The following GPC5 variants were observed in gnomAD, a reference collection of about 807,000 sequenced individuals.
GPC5 encodes the protein glypican-5.
GPC5 carries 47 observed loss-of-function variants against 53.9 expected under a neutral mutation model. That is an observed-to-expected ratio of 0.87 (90% CI 0.69 to 1.11). The LOEUF (loss-of-function observed/expected upper bound fraction) is 1.11, where lower values mean the gene tolerates loss of function less well. GPC5 is among the 50% of genes most tolerant of loss of function. GPC5 has a pLI of 0.00. For missense variants in GPC5, 748 were observed against 713.1 expected, an observed-to-expected ratio of 1.05 and a Z score of -0.56; for synonymous variants, 286 against 263.3, an observed-to-expected ratio of 1.09 and a Z score of -0.84.
At chr13:91,745,182 T>G (rs1395286966) in intron 4 of GPC5, among the ~76,000 whole-genome samples, 2 of 152,140 alleles carry the variant, frequency 1.3e-5, no homozygotes, top group Admixed American at 6.6e-5. Context: ...TTAGAACTAA[T>G]TTTGAAAACC....
chr13:92,123,275 G>A (rs1396792444), intron 6 of GPC5, among the ~76,000 whole-genome samples: 1 of 151,888 alleles, frequency 6.6e-6, no homozygotes, highest in Non-Finnish European at 1.5e-5. Context: ...TTTTGGTGGC[G>A]GGCACGTGTA....
chr13:92,801,409 C>A (rs1876902804), intron 7 of GPC5, among the ~76,000 whole-genome samples: 1 of 151,728 alleles, frequency 6.6e-6, no homozygotes, highest in Admixed American at 6.6e-5. Flanking sequence ...TAAACAAGCC[C>A]ACCCTACTGC....
chr13:92,480,686 C>A (rs1196996429), intron 7 of GPC5, among the ~76,000 whole-genome samples: 1 of 152,158 alleles, frequency 6.6e-6, no homozygotes, highest in Non-Finnish European at 1.5e-5. Flanking sequence ...TAGGAAAAGC[C>A]CCTCCCCAGA....
intron 7 of GPC5, among the ~76,000 whole-genome samples, chr13:92,386,709 C>A (rs544790575): frequency 6.6e-6 from 1 of 151,848 alleles, no homozygotes; most frequent in South Asian, 2.1e-4. Flanking sequence ...TGAACATGAC[C>A]CTATTTCATA....
At chr13:92,170,425 T>TA (rs2139020560) in intron 7 of GPC5, among the ~76,000 whole-genome samples, 1 of 128,034 alleles carries the variant, frequency 7.8e-6, no homozygotes, top group African/African-American at 3.2e-5. Context: ...CTTTGCTTTT[T>TA]TTTTTTTTTT....
chr13:92,492,486 G>T (rs1879805215), intron 7 of GPC5, among the ~76,000 whole-genome samples: 1 of 150,638 alleles, frequency 6.6e-6, no homozygotes. Flanking sequence ...AGAACTTAAA[G>T]TATAATAAAA....
At chr13:92,469,270 G>A (rs1283526101) in intron 7 of GPC5, among the ~76,000 whole-genome samples, 2 of 151,848 alleles carry the variant, frequency 1.3e-5, no homozygotes, top group African/African-American at 4.8e-5. Context: ...GTGCAGTGGT[G>A]CGATCTCAGC....
intron 2 of GPC5, among the ~76,000 whole-genome samples, chr13:91,468,208 C>T (rs569702431): frequency 3.9e-5 from 6 of 151,968 alleles, no homozygotes; most frequent in Admixed American, 6.6e-5. Context: ...AGATATGGTG[C>T]TCTCTAATAT....
chr13:92,356,254 G>A (rs2043521536), intron 7 of GPC5, among the ~76,000 whole-genome samples: 1 of 152,174 alleles, frequency 6.6e-6, no homozygotes, highest in South Asian at 2.1e-4. Context: ...GGTGGCGGGA[G>A]AGGAATGAAC....
chr13:92,602,366 A>G (rs926908733), intron 7 of GPC5, among the ~76,000 whole-genome samples: 5 of 150,938 alleles, frequency 3.3e-5, no homozygotes, highest in African/African-American at 9.8e-5. Context: ...TAGTTGCCTT[A>G]ATATGAGTTT....
At chr13:92,848,139 T>G (rs1208836021) in intron 7 of GPC5, among the ~76,000 whole-genome samples, 2 of 152,188 alleles carry the variant, frequency 1.3e-5, no homozygotes, top group African/African-American at 2.4e-5. Flanking sequence ...TGCAGTGGCC[T>G]CTAATATGTA....
intron 7 of GPC5, among the ~76,000 whole-genome samples, chr13:92,410,163 A>G (rs746853696): frequency 1.8e-4 from 28 of 152,300 alleles, no homozygotes; most frequent in Non-Finnish European, 3.8e-4. Flanking sequence ...AGTGGATAAA[A>G]GGTACAGAGA....
At chr13:92,818,224 G>T (rs1314237807) in intron 7 of GPC5, among the ~76,000 whole-genome samples, 1 of 151,784 alleles carries the variant, frequency 6.6e-6, no homozygotes, top group Non-Finnish European at 1.5e-5. Context: ...TGGCCAGGCT[G>T]GTCTCGAACT....
chr13:91,558,777 T>G (rs900408530), intron 2 of GPC5, among the ~76,000 whole-genome samples: 28 of 152,188 alleles, frequency 1.8e-4, no homozygotes, highest in Admixed American at 1.1e-3. Context: ...TGTGCTAGAC[T>G]TTTTCATCAT....
intron 7 of GPC5, among the ~76,000 whole-genome samples, chr13:92,772,898 TTTTA>T (rs1400620225): frequency 6.6e-5 from 10 of 152,288 alleles, no homozygotes; most frequent in East Asian, 1.9e-4. Flanking sequence ...ACATACAATA[TTTTA>T]TTTATTATTA....
At chr13:92,528,852 G>C (rs1034645139) in intron 7 of GPC5, among the ~76,000 whole-genome samples, 1 of 151,684 alleles carries the variant, frequency 6.6e-6, no homozygotes, top group East Asian at 1.9e-4. Flanking sequence ...TTATAAAATA[G>C]GGTTAGACTA....
chr13:91,691,709 C>T (rs2035761131), intron 2 of GPC5, among the ~76,000 whole-genome samples: 1 of 152,072 alleles, frequency 6.6e-6, no homozygotes, highest in Non-Finnish European at 1.5e-5. Context: ...TTTATTTGTA[C>T]TTGGACTCTG....
chr13:92,231,183 G>T (rs2042527307), intron 7 of GPC5, among the ~76,000 whole-genome samples: 1 of 152,140 alleles, frequency 6.6e-6, no homozygotes, highest in African/African-American at 2.4e-5. Context: ...GTATATGGTA[G>T]CTGCCACAGA....
At chr13:92,835,500 T>G (rs865982410) in intron 7 of GPC5, among the ~76,000 whole-genome samples, 8 of 152,044 alleles carry the variant, frequency 5.3e-5, no homozygotes, top group Non-Finnish European at 5.9e-5. Flanking sequence ...TTAACCTGGT[T>G]GGCTCCTATT....
Sources: allele counts gnomAD v4.1 joint callset (sites outside exome capture counted in the v4.1 genomes callset), GRCh38; gene constraint gnomAD v4.1.1; transcripts MANE v1.5; gene names NCBI Gene and HGNC (gene_info 2026-07-23, HGNC 2026-07-21).